PPP2R5E: variants seen among roughly 807,000 people sequenced by gnomAD.
PPP2R5E encodes serine/threonine-protein phosphatase 2A 56 kDa regulatory subunit epsilon isoform.
Under a neutral mutation model 65.3 loss-of-function variants are expected in PPP2R5E, and 4 were observed. The ratio of observed to expected loss-of-function variants is 0.06; its 90% CI spans 0.03 to 0.14. PPP2R5E has a LOEUF of 0.14. Among genes scored for constraint, PPP2R5E ranks in the 10% least tolerant of loss-of-function variants. The pLI is 1.00. For synonymous variants in PPP2R5E, 183 were observed against 187.4 expected (o/e 0.98, Z 0.19); for missense variants, 274 against 556.1 (o/e 0.49, Z 5.10).
intron 1 of PPP2R5E, among the ~76,000 whole-genome samples, chr14:63,540,311 A>G (rs1893841193): frequency 6.6e-6 from 1 of 151,212 alleles, no homozygotes; most frequent in Admixed American, 6.6e-5. Context: ...TGCACCTGTA[A>G]TCTCAGCTAC....
chr14:63,399,366 C>CTTTTTTTTTTTTTTTTTTTTTT (rs397814218), intron 5 of PPP2R5E, among the ~76,000 whole-genome samples: 1 of 48,504 alleles, frequency 2.1e-5, no homozygotes, highest in South Asian at 1.1e-3. Context: ...GGATTTCTTT[C>CTTTTTTTTTTTTTTTTTTTTTT]TTTTTTTTTT....
intron 2 of PPP2R5E, among the ~76,000 whole-genome samples, chr14:63,518,066 G>A (rs1414423288): frequency 6.6e-6 from 1 of 152,122 alleles, no homozygotes; most frequent in Non-Finnish European, 1.5e-5. Context: ...CCTACAGATA[G>A]ATTTTATTTT....
At chr14:63,493,978 G>A (rs900414738) in intron 2 of PPP2R5E, among the ~76,000 whole-genome samples, 7 of 152,094 alleles carry the variant, frequency 4.6e-5, no homozygotes, top group East Asian at 1.9e-4. Flanking sequence ...TACTCTACTA[G>A]AAATGTAAAA....
At chr14:63,476,198 C>A (rs1033303345) in intron 2 of PPP2R5E, among the ~76,000 whole-genome samples, 1 of 152,090 alleles carries the variant, frequency 6.6e-6, no homozygotes, top group African/African-American at 2.4e-5. Context: ...GTATAATGCT[C>A]GAGTTTTTCA....
chr14:63,502,191 A>G (rs569331064), intron 2 of PPP2R5E, among the ~76,000 whole-genome samples: 33 of 152,186 alleles, frequency 2.2e-4, no homozygotes, highest in African/African-American at 7.2e-4. Context: ...CACTGCACCC[A>G]GCTGGAAGTT....
chr14:63,506,676 T>C (rs1892198563), intron 2 of PPP2R5E, among the ~76,000 whole-genome samples: 1 of 152,062 alleles, frequency 6.6e-6, no homozygotes, highest in East Asian at 1.9e-4. Context: ...AGAAATTAAA[T>C]CCCTCATACC....
Position 63,391,650 on chromosome 14 carries a change from C to T in PPP2R5E, c.954+167G>A, listed in dbSNP as rs2006073. Among the ~76,000 whole-genome samples the T allele has an allele frequency of 0.15, 22,922 of 152,056 alleles. 2,433 individuals carry two copies. The highest frequency in any genetic ancestry group is 0.48 in the East Asian group (2,484 of 5,158). ...GTTGGTCAGGCTGGTCTCGAACTCC[C>T]GACCTCAGGTGATCTGCCCGCCTCG... On this transcript the variant is annotated intron_variant, in intron 10 of 13. Coordinates refer to ENST00000337537, the MANE Select transcript of PPP2R5E (RefSeq NM_006246.5).
chr14:63,396,187 G>A (rs1885382137), intron 6 of PPP2R5E, among the ~76,000 whole-genome samples: 2 of 75,800 alleles, frequency 2.6e-5, no homozygotes, highest in Admixed American at 2.6e-4. Context: ...GAGGAGAGAG[G>A]AGAGGAAAAG....
intron 5 of PPP2R5E, among the ~76,000 whole-genome samples, chr14:63,408,110 CATT>C (rs1166493672): frequency 1.3e-5 from 2 of 152,120 alleles, no homozygotes; most frequent in African/African-American, 2.4e-5. Flanking sequence ...TAAAATAGAT[CATT>C]GAGTAGGTCT....
chr14:63,396,475 G>T, intron 6 of PPP2R5E, 111 bp downstream of exon 6: 1 of 1,386,284 alleles, frequency 7.2e-7, no homozygotes, highest in South Asian at 1.4e-5. Context: ...AAGGCAGGCA[G>T]AAAGGGAGAA....
At chr14:63,458,255 T>A (rs1889247336) in intron 2 of PPP2R5E, among the ~76,000 whole-genome samples, 1 of 152,190 alleles carries the variant, frequency 6.6e-6, no homozygotes, top group Non-Finnish European at 1.5e-5. Flanking sequence ...ACCCTAATCA[T>A]GATTTAAAGG....
At chr14:63,377,142 C>T (rs1342198756) in intron 13 of PPP2R5E, among the ~76,000 whole-genome samples, 2 of 150,504 alleles carry the variant, frequency 1.3e-5, no homozygotes, top group Non-Finnish European at 3.0e-5. Context: ...GAGCAAGACT[C>T]CGTCTCCAAA....
intron 2 of PPP2R5E, among the ~76,000 whole-genome samples, chr14:63,474,607 G>A (rs1186588606): frequency 4.2e-5 from 6 of 141,186 alleles, no homozygotes; most frequent in South Asian, 4.5e-4. Flanking sequence ...CAGGGAGGTC[G>A]AGGCTGCAGT....
chr14:63,427,995 C>T (rs1236887420), intron 3 of PPP2R5E, among the ~76,000 whole-genome samples: 2 of 152,146 alleles, frequency 1.3e-5, no homozygotes, highest in East Asian at 3.9e-4. Flanking sequence ...ATCTTCCCTA[C>T]TCCCATTTCT....
chr14:63,506,738 AT>A lies in PPP2R5E; in HGVS notation c.157+32790del, dbSNP rs566140029. On this transcript the variant is annotated intron_variant, in intron 2 of 13. Transcript: ENST00000337537. Reference sequence around the variant, plus strand: ...AGCTGCTGTGGAAAACAGTTTGGCAATATCTCAGAAAGTTAAAACAGAGTTA... The same window carrying A: ...AGCTGCTGTGGAAAACAGTTTGGCAAATCTCAGAAAGTTAAAACAGAGTTA... Among the ~76,000 whole-genome samples the A allele has an allele frequency of 1.2e-3, 187 of 152,304 alleles. 10 individuals carry two copies. The South Asian group carries it at 0.038, about 31-fold the overall frequency.
intron 2 of PPP2R5E, among the ~76,000 whole-genome samples, chr14:63,474,714 A>G (rs1213442998): frequency 6.6e-6 from 1 of 150,556 alleles, no homozygotes; most frequent in East Asian, 1.9e-4. Flanking sequence ...GAAGAAGAAA[A>G]GCAAAAGAAA....
intron 2 of PPP2R5E, among the ~76,000 whole-genome samples, chr14:63,517,003 C>T (rs377586232): frequency 3.3e-5 from 5 of 152,186 alleles, no homozygotes; most frequent in Admixed American, 6.5e-5. Flanking sequence ...CTTCCCTAAA[C>T]GTAGCATACA....
At chr14:63,448,239 A>G (rs1034224965) in intron 3 of PPP2R5E, among the ~76,000 whole-genome samples, 7 of 151,962 alleles carry the variant, frequency 4.6e-5, no homozygotes, top group South Asian at 4.2e-4. Flanking sequence ...AGAGCTTGCA[A>G]TGAGCCGAGA....
Position 63,373,042 on chromosome 14 carries a change from A to C in PPP2R5E, c.*2967T>G, listed in dbSNP as rs957247554. ...ACAACTGGGGATACTTCACAATGAGAAACAGGAATGCATGCTTGATTCAAA... is the reference window on the plus strand; with the variant it reads ...ACAACTGGGGATACTTCACAATGAGCAACAGGAATGCATGCTTGATTCAAA... On this transcript the variant is annotated 3_prime_UTR_variant, in exon 14 of 14. Coordinates refer to ENST00000337537, the MANE Select transcript of PPP2R5E (RefSeq NM_006246.5). 1.3e-5 allele frequency: 2 copies of C among 152,194 alleles called. No individual in the cohort carries two copies. The highest frequency in any genetic ancestry group is 2.9e-5 in the Non-Finnish European group (2 of 68,024). The allele number at this position is 152,194 out of a possible 1,614,324, so 9.4% of individuals were successfully genotyped here.
Sources: gnomAD v4.1 joint callset for allele counts (sites outside exome capture counted in the v4.1 genomes callset) on GRCh38, gnomAD v4.1.1 for gene constraint, MANE v1.5 for transcripts, NCBI Gene and HGNC (gene_info 2026-07-23, HGNC 2026-07-21) for gene names.